The following VPS35L variants were observed in gnomAD, a reference collection of about 807,000 sequenced individuals.
VPS35L encodes the protein VPS35 endosomal protein sorting factor like, also known as VPS35 endosomal protein-sorting factor-like.
In VPS35L, 83 loss-of-function variants were observed where a neutral mutation model predicts 133.0. The ratio of observed to expected loss-of-function variants is 0.62; its 90% CI spans 0.52 to 0.75. The LOEUF (loss-of-function observed/expected upper bound fraction) is 0.75. VPS35L is among the 30% of genes least tolerant of loss of function. The pLI, the probability that VPS35L is intolerant of heterozygous loss-of-function variation, is 0.00. For missense variants in VPS35L, 1,083 were observed against 1,206.8 expected (o/e 0.90, Z 1.52); for synonymous variants, 423 against 449.9 (o/e 0.94, Z 0.76).
chr16:19,626,607 C>T (rs1478567025), intron 15 of VPS35L, among the ~76,000 whole-genome samples: 3 of 151,800 alleles, frequency 2.0e-5, no homozygotes, highest in Admixed American at 6.6e-5. Context: ...ACTAAAAATA[C>T]AATAACTAGC....
At chr16:19,556,897 G>GA (rs1970875748) in intron 1 of VPS35L, among the ~76,000 whole-genome samples, 1 of 151,564 alleles carries the variant, frequency 6.6e-6, no homozygotes, top group Non-Finnish European at 1.5e-5. Context: ...GGCCGAGGCT[G>GA]GCGGATCACC....
rs988165271 is a variant in VPS35L, at chr16:19,610,380, C to G, written c.988C>G (p.Leu330Val). 1.1e-5 allele frequency: 18 copies of G among 1,614,124 alleles called. No homozygotes were observed. Among genetic ancestry groups the G allele is most frequent in the African/African-American group, 1.3e-5 (1 of 75,046 alleles). ...TCMIRGIGDP[L>V]VSVYARAYLC... ...CATGATCAGAGGGATCGGAGACCCA[C>G]TAGTGTCGGTGTATGCCCGTGCCTA... Residue 330 changes from leucine (L) to valine (V), a missense_variant, in exon 12 of 31, where the codon CTA becomes GTA. Leu to Val is a conservative substitution (Grantham distance 32). Transcript: ENST00000417362.
At chr16:19,564,971 T>C in intron 2 of VPS35L, 21 bp downstream of exon 2, 1 of 1,516,444 alleles carries the variant, frequency 6.6e-7, no homozygotes, top group Non-Finnish European at 9.2e-7. Flanking sequence ...TTAAGGGTCT[T>C]TCTGAATGAT....
intron 26 of VPS35L, among the ~76,000 whole-genome samples, chr16:19,654,254 A>G (rs1014428697): frequency 2.0e-5 from 3 of 151,770 alleles, no homozygotes; most frequent in Non-Finnish European, 4.4e-5. Flanking sequence ...TGCAGCATCA[A>G]CCTCATTATC....
chr16:19,636,337 G>T (rs1270389138), intron 19 of VPS35L, among the ~76,000 whole-genome samples: 1 of 152,130 alleles, frequency 6.6e-6, no homozygotes, highest in Non-Finnish European at 1.5e-5. Context: ...ATGCGTGTTT[G>T]TATAATTCTT....
At chr16:19,624,837 A>G (rs1335893230) in intron 14 of VPS35L, among the ~76,000 whole-genome samples, 3 of 152,164 alleles carry the variant, frequency 2.0e-5, no homozygotes, top group Non-Finnish European at 2.9e-5. Flanking sequence ...ATAATGTTCC[A>G]TGGACCTCAC....
intron 28 of VPS35L, among the ~76,000 whole-genome samples, chr16:19,689,012 C>T (rs954437140): frequency 6.6e-6 from 1 of 151,734 alleles, no homozygotes; most frequent in Non-Finnish European, 1.5e-5. Context: ...GAGCTGTACG[C>T]GTAGCGCCCC....
At chr16:19,682,078 G>T in intron 27 of VPS35L, 147 bp from the exon 28 acceptor site, 1 of 833,208 alleles carries the variant, frequency 1.2e-6, no homozygotes, top group Middle Eastern at 3.2e-4. Context: ...AACCAGGCTT[G>T]TGAGTGGGTC....
Position 19,656,981 on chromosome 16 carries a change from TTTG to T in VPS35L, c.2221+4892_2221+4894del, listed in dbSNP as rs1250667786. On this transcript the variant is annotated intron_variant, in intron 26 of 30. Transcript: ENST00000417362. ...GAACTTGTTTTTTTTTTTTTTTTTTTTTGAGGCAGAGTCCTGCTCCGTCGTCCA... is the reference window on the plus strand; with the variant it reads ...GAACTTGTTTTTTTTTTTTTTTTTTTAGGCAGAGTCCTGCTCCGTCGTCCA... 2.2e-3 allele frequency among the ~76,000 whole-genome samples: 328 copies of T among 150,544 alleles called. 1 individual carries two copies. Among genetic ancestry groups the T allele is most frequent in the African/African-American group, 7.4e-3 (302 of 40,850 alleles).
chr16:19,587,287 AT>A, intron 7 of VPS35L: 1 of 447,480 alleles, frequency 2.2e-6, no homozygotes, highest in South Asian at 1.6e-5. Flanking sequence ...GAGCCAAACC[AT>A]GTTAACTATG....
chr16:19,645,090 C>A, intron 23 of VPS35L, 141 bp downstream of exon 23: 6 of 512,060 alleles, frequency 1.2e-5, no homozygotes, highest in Admixed American at 3.7e-5. Flanking sequence ...AAACATCTTA[C>A]ATTAGCCAGG....
Position 19,567,701 on chromosome 16 carries a change from A to G in VPS35L, c.118-1723A>G, listed in dbSNP as rs1267525434. On this transcript the variant is annotated intron_variant, in intron 2 of 30. Transcript: ENST00000417362. ...TGAGACAGCCCTGGCCCAGTATGGT[A>G]GCTCATGCCTGTACTCCCAGCACTT... Among the ~76,000 whole-genome samples, 3 of 152,040 alleles carry G rather than the reference A, an allele frequency of 2.0e-5. No homozygotes were observed. In the East Asian group the frequency reaches 5.8e-4, roughly 29 times the overall value.
intron 7 of VPS35L, among the ~76,000 whole-genome samples, chr16:19,588,668 G>T (rs956240862): frequency 6.6e-6 from 1 of 152,106 alleles, no homozygotes; most frequent in Non-Finnish European, 1.5e-5. Context: ...ATCATTTTCT[G>T]ATGCATAAAT....
chr16:19,566,752 C>CT (rs1198119030), intron 2 of VPS35L, among the ~76,000 whole-genome samples: 3 of 151,342 alleles, frequency 2.0e-5, no homozygotes, highest in Admixed American at 6.6e-5. Flanking sequence ...TGGCCCCCCC[C>CT]TTTTTTTTCT....
chr16:19,616,220 C>T (rs370914557), intron 13 of VPS35L, 29 bp downstream of exon 13: 68 of 1,552,460 alleles, frequency 4.4e-5, no homozygotes, highest in Non-Finnish European at 5.8e-5. Context: ...AATAGCTCAT[C>T]GATATAACAG....
intron 7 of VPS35L, among the ~76,000 whole-genome samples, chr16:19,587,634 C>CAA (rs781342533): frequency 8.8e-5 from 6 of 67,936 alleles, no homozygotes; most frequent in Admixed American, 1.6e-4. Context: ...AACTCCGTCT[C>CAA]AAAAAAAAAA....
chr16:19,683,166 A>T (rs1041631427), intron 28 of VPS35L, among the ~76,000 whole-genome samples: 10 of 151,980 alleles, frequency 6.6e-5, no homozygotes, highest in Non-Finnish European at 1.3e-4. Flanking sequence ...CAAGTAATCT[A>T]CCCGTCTCAG....
intron 14 of VPS35L, among the ~76,000 whole-genome samples, chr16:19,621,542 C>CTG (rs1973081700): frequency 6.6e-6 from 1 of 152,064 alleles, no homozygotes. Flanking sequence ...TCAAGTTCTG[C>CTG]TGTGTGTGAA....
intron 29 of VPS35L, among the ~76,000 whole-genome samples, chr16:19,693,426 A>G (rs189332906): frequency 6.6e-6 from 1 of 152,120 alleles, no homozygotes; most frequent in East Asian, 1.9e-4. Context: ...GGATTAGTTG[A>G]GCCTAGGAGT....
Sources: allele counts gnomAD v4.1 joint callset (sites outside exome capture counted in the v4.1 genomes callset), GRCh38; gene constraint gnomAD v4.1.1; transcripts MANE v1.5; gene names NCBI Gene and HGNC (gene_info 2026-07-23, HGNC 2026-07-21).